Variants in RANBP10 observed in about 807,000 individuals in gnomAD.
RANBP10 encodes ran-binding protein 10.
In RANBP10, 24 loss-of-function variants were observed where a neutral mutation model predicts 72.8. The ratio of observed to expected loss-of-function variants is 0.33; its 90% confidence interval spans 0.24 to 0.46. The LOEUF is 0.46. Ranked by LOEUF, RANBP10 falls within the 20% of genes least tolerant of loss-of-function variation. RANBP10 has a pLI of 1.00. For missense variants in RANBP10, 679 were observed against 817.5 expected (o/e 0.83, Z 2.07); for synonymous variants, 310 against 322.3 (o/e 0.96, Z 0.41).
intron 2 of RANBP10, among the ~76,000 whole-genome samples, chr16:67,793,423 T>C (rs917294937): frequency 2.0e-5 from 3 of 151,554 alleles, no homozygotes; most frequent in African/African-American, 7.3e-5. Flanking sequence ...GCAATTCTCC[T>C]GCCTCAGCCT....
chr16:67,764,628 T>C (rs941803209), intron 3 of RANBP10, among the ~76,000 whole-genome samples: 1 of 152,216 alleles, frequency 6.6e-6, no homozygotes, highest in Non-Finnish European at 1.5e-5. Flanking sequence ...TTGTCAATCC[T>C]GTCACAGTGA....
chr16:67,782,669 T>G (rs2054834467), intron 2 of RANBP10, among the ~76,000 whole-genome samples: 1 of 151,822 alleles, frequency 6.6e-6, no homozygotes, highest in African/African-American at 2.4e-5. Flanking sequence ...TTGGCCAGGC[T>G]GGTCAACTCC....
chr16:67,735,960 G>C (rs1179563151), intron 5 of RANBP10, among the ~76,000 whole-genome samples: 2 of 152,066 alleles, frequency 1.3e-5, no homozygotes, highest in African/African-American at 4.8e-5. Flanking sequence ...AGTAGGGTGT[G>C]AGGCTCCCTG....
chr16:67,742,695 C>T (rs568277500), intron 4 of RANBP10, among the ~76,000 whole-genome samples: 2 of 152,084 alleles, frequency 1.3e-5, no homozygotes, highest in African/African-American at 2.4e-5. Context: ...TGCCCCCATC[C>T]GTGAGCAAAA....
In RANBP10 at chr16:67,755,616, G is replaced by A. The variant is rs1022854470; in HGVS notation, c.401-11161C>T. Among the ~76,000 whole-genome samples, 5 of 151,280 alleles carry A rather than the reference G, an allele frequency of 3.3e-5. No homozygotes were observed. The South Asian group carries it at 6.3e-4, about 19-fold the overall frequency. On this transcript the variant is annotated intron_variant, in intron 3 of 13. Transcript: ENST00000317506. ...GGAGAATTGCTTGAACCTGGGAGGC[G>A]GAGGTTGCAGTGAGCTAAGATCGCG... is the stretch of plus-strand genomic sequence containing the variant.
intron 2 of RANBP10, among the ~76,000 whole-genome samples, chr16:67,783,409 C>T (rs957271282): frequency 6.6e-6 from 1 of 152,140 alleles, no homozygotes; most frequent in African/African-American, 2.4e-5. Flanking sequence ...GCACAGAGAA[C>T]CCCTTTGGCA....
At chr16:67,784,981 G>A (rs1350626419) in intron 2 of RANBP10, among the ~76,000 whole-genome samples, 7 of 151,276 alleles carry the variant, frequency 4.6e-5, no homozygotes, top group African/African-American at 9.7e-5. Context: ...AGGCCGAGGC[G>A]GGCAGATCAC....
chr16:67,752,437 C>T (rs2054214619), intron 3 of RANBP10, among the ~76,000 whole-genome samples: 1 of 152,104 alleles, frequency 6.6e-6, no homozygotes, highest in Non-Finnish European at 1.5e-5. Flanking sequence ...CGCAGCCCTG[C>T]CAATATCTGG....
chr16:67,743,809 G>A (rs555999038), intron 4 of RANBP10, among the ~76,000 whole-genome samples: 4 of 152,024 alleles, frequency 2.6e-5, no homozygotes, highest in Non-Finnish European at 4.4e-5. Context: ...TAACTGCCCC[G>A]GCTGCTGCTC....
Position 67,724,178 on chromosome 16 carries a change from T to G in RANBP10, c.*2250A>C, listed in dbSNP as rs1385457048. ...CCCGTCCTCATCCCTGACACACCCC[T>G]GAAGGTAGCAGCTTCTCAGATACTG... is the stretch of plus-strand genomic sequence containing the variant. On this transcript the variant is annotated 3_prime_UTR_variant, in exon 14 of 14. Coordinates refer to ENST00000317506, the MANE Select transcript of RANBP10 (RefSeq NM_020850.3). 1.3e-5 allele frequency: 2 copies of G among 152,510 alleles called. No homozygotes were observed. The highest frequency in any genetic ancestry group is 2.9e-5 in the Non-Finnish European group (2 of 68,172). The allele number at this position is 152,510 out of a possible 1,614,324, so 9.4% of individuals were successfully genotyped here. A position where few individuals can be genotyped will look rare whatever the true frequency, so the allele number is the denominator to read the frequency against.
chr16:67,743,161 G>A (rs930077710), intron 4 of RANBP10, among the ~76,000 whole-genome samples: 5 of 152,210 alleles, frequency 3.3e-5, no homozygotes, highest in Non-Finnish European at 7.3e-5. Flanking sequence ...TCATCTCCTG[G>A]AGAAGTCATA....
intron 3 of RANBP10, among the ~76,000 whole-genome samples, chr16:67,752,025 T>A (rs1015276146): frequency 5.3e-5 from 8 of 151,774 alleles, no homozygotes; most frequent in African/African-American, 1.9e-4. Flanking sequence ...TCACCTCAGT[T>A]TGGCTAGAAA....
chr16:67,805,492 G>T lies in RANBP10; in HGVS notation c.283C>A (p.Pro95Thr). The T allele has an allele frequency of 6.2e-7, 1 of 1,614,122 alleles. No individual in the cohort carries two copies. The highest frequency in any genetic ancestry group is 8.5e-7 in the Non-Finnish European group (1 of 1,180,002). Residue 95 changes from proline to threonine, a missense_variant, in exon 2 of 14, where the codon CCC (proline) becomes ACC (threonine). By Grantham distance (38) the Pro-to-Thr change is conservative. Transcript: ENST00000317506. ...KDAASVRATH[P>T]IPAACGIYYF... ...TAAATGCCACAGGCAGCAGGTATGGGGTGGGTGGCACGCACTGAGGCCGCA... is the reference window on the plus strand; with the variant it reads ...TAAATGCCACAGGCAGCAGGTATGGTGTGGGTGGCACGCACTGAGGCCGCA...
chr16:67,761,123 G>A (rs963955614), intron 3 of RANBP10, among the ~76,000 whole-genome samples: 6 of 152,160 alleles, frequency 3.9e-5, no homozygotes, highest in Non-Finnish European at 5.9e-5. Flanking sequence ...GGCCACACCC[G>A]TTCCTTGGTT....
At position 67,730,072 on chromosome 16, in the gene RANBP10, G is replaced by A. The variant is rs199703360; in HGVS notation, c.890-26C>T. The A allele has an allele frequency of 2.5e-3, 4,076 of 1,601,230 alleles. 19 individuals carry two copies. The highest frequency in any genetic ancestry group is 2.6e-3 in the Non-Finnish European group (2,997 of 1,174,432). ...CTGCAGGGTGCAAGAACACAGCAGT[G>A]AGCGAGGGCTACAGGCCTCTCCCAC... On this transcript the variant is annotated intron_variant, in intron 7 of 13. Coordinates refer to ENST00000317506, the MANE Select transcript of RANBP10 (RefSeq NM_020850.3). This position sits in a 1 kb window ranked among gnomAD's most constrained non-coding sequence, Gnocchi z 4.3.
intron 2 of RANBP10, among the ~76,000 whole-genome samples, chr16:67,773,062 C>T (rs967365693): frequency 2.6e-5 from 4 of 152,132 alleles, no homozygotes; most frequent in Admixed American, 2.0e-4. Flanking sequence ...GATATGGTTT[C>T]GATGTTTGTC....
chr16:67,770,692 C>A (rs2054592047), intron 3 of RANBP10, among the ~76,000 whole-genome samples: 1 of 152,238 alleles, frequency 6.6e-6, no homozygotes. Context: ...ACGGCAGAAG[C>A]TCTGTCTCCC....
chr16:67,728,325 G>A, intron 11 of RANBP10, 65 bp downstream of exon 11: 2 of 1,560,522 alleles, frequency 1.3e-6, no homozygotes, highest in Non-Finnish European at 1.8e-6. Flanking sequence ...GCCCCTCCCA[G>A]GGGAAGAGGG....
intron 5 of RANBP10, among the ~76,000 whole-genome samples, chr16:67,736,273 T>C (rs148417897): frequency 7.4e-4 from 112 of 152,320 alleles, no homozygotes; most frequent in Non-Finnish European, 1.4e-3. Flanking sequence ...GCAATTCTCT[T>C]GCCTCAGCCT....
Sources: gnomAD v4.1 joint callset for allele counts (sites outside exome capture counted in the v4.1 genomes callset) on GRCh38, gnomAD v4.1.1 for gene constraint, Gnocchi (gnomAD v3.1) non-coding constraint, MANE v1.5 for transcripts, NCBI Gene and HGNC (gene_info 2026-07-23, HGNC 2026-07-21) for gene names.